CTNNA3: variants seen among roughly 807,000 people sequenced by gnomAD.
The protein encoded by CTNNA3 is catenin alpha-3.
Under a neutral mutation model 95.7 loss-of-function variants are expected in CTNNA3, and 76 were observed. The ratio of observed to expected loss-of-function variants is 0.79; its 90% CI spans 0.66 to 0.96. CTNNA3 has a LOEUF of 0.96. CTNNA3 is among the 40% of genes least tolerant of loss of function. CTNNA3 has a pLI of 0.00. For missense variants in CTNNA3, 1,191 were observed against 1,089.8 expected, an observed-to-expected ratio of 1.09 and a Z score of -1.31; for synonymous variants, 431 against 374.4, an observed-to-expected ratio of 1.15 and a Z score of -1.74.
intron 13 of CTNNA3, among the ~76,000 whole-genome samples, chr10:66,112,969 T>C (rs542388592): frequency 3.9e-5 from 6 of 152,286 alleles, no homozygotes; most frequent in Non-Finnish European, 8.8e-5. Context: ...CTGATTTCAA[T>C]TCTTTGGGAC....
In CTNNA3 at chr10:66,383,701, G is replaced by A. The variant is rs189993117; in HGVS notation, c.1532-4349C>T. On this transcript the variant is annotated intron_variant, in intron 11 of 17. Transcript: ENST00000433211. ...GTGTTAACGGCAGCCAGAGAGAAAG[G>A]TTGAGTTACCCACAAAGGGAAGCCC... Among the ~76,000 whole-genome samples, 313 of 152,288 alleles carry A rather than the reference G, an allele frequency of 2.1e-3. 2 individuals are homozygous for A. Among genetic ancestry groups the A allele is most frequent in the African/African-American group, 7.1e-3 (293 of 41,560 alleles).
chr10:67,236,219 T>G (rs1418986311), intron 5 of CTNNA3, among the ~76,000 whole-genome samples: 2 of 150,756 alleles, frequency 1.3e-5, no homozygotes, highest in East Asian at 2.0e-4. Context: ...CAGGTATGTT[T>G]ATTGCGGCAT....
intron 13 of CTNNA3, among the ~76,000 whole-genome samples, chr10:66,112,639 C>T (rs1312313141): frequency 6.6e-6 from 1 of 152,034 alleles, no homozygotes; most frequent in Non-Finnish European, 1.5e-5. Flanking sequence ...TTTCCCCTCC[C>T]CTCAGCTTGA....
chr10:66,285,449 T>C (rs1267449516), intron 12 of CTNNA3, among the ~76,000 whole-genome samples: 1 of 151,800 alleles, frequency 6.6e-6, no homozygotes, highest in African/African-American at 2.4e-5. Flanking sequence ...ATAAATAATA[T>C]TTCTGATTTA....
rs933273345 is a variant in CTNNA3 at position 66,396,406 on chromosome 10, A to T, written c.1532-17054T>A. On this transcript the variant is annotated intron_variant, in intron 11 of 17. Transcript: ENST00000433211. ...GATGTAGTTTACTAAACTTAATTTT[A>T]AAAAGTATTGAAATAACTTAGTACA... Among the ~76,000 whole-genome samples the T allele has an allele frequency of 3.7e-4, 57 of 152,180 alleles. 1 individual carries two copies. The highest frequency in any genetic ancestry group is 1.0e-3 in the African/African-American group (43 of 41,574).
intron 15 of CTNNA3, among the ~76,000 whole-genome samples, chr10:66,042,084 ATC>A (rs1164548432): frequency 2.6e-5 from 4 of 152,106 alleles, no homozygotes; most frequent in Non-Finnish European, 5.9e-5. Context: ...GCTATTTTGT[ATC>A]TCTGAGTCTT....
At chr10:66,729,177 T>G (rs1000710689) in intron 9 of CTNNA3, among the ~76,000 whole-genome samples, 1 of 152,184 alleles carries the variant, frequency 6.6e-6, no homozygotes, top group Non-Finnish European at 1.5e-5. Flanking sequence ...AAGACATACA[T>G]GGAGCCAACA....
chr10:66,238,774 C>G (rs2089981694), intron 13 of CTNNA3, among the ~76,000 whole-genome samples: 1 of 151,696 alleles, frequency 6.6e-6, no homozygotes, highest in Admixed American at 6.6e-5. Context: ...TGATTTTATT[C>G]TTACATTTTT....
At chr10:66,500,822 A>G (rs1429319489) in intron 11 of CTNNA3, among the ~76,000 whole-genome samples, 1 of 152,190 alleles carries the variant, frequency 6.6e-6, no homozygotes, top group Non-Finnish European at 1.5e-5. Context: ...AGTTGATTAA[A>G]TTATAAGGTT....
chr10:67,744,521 T>TA (rs1341055589), intron 1 of CTNNA3, among the ~76,000 whole-genome samples: 1 of 151,282 alleles, frequency 6.6e-6, no homozygotes, highest in Non-Finnish European at 1.5e-5. Flanking sequence ...ATTAAAGACT[T>TA]ACATGTTAGA....
rs2083259419 is a variant in CTNNA3 at position 66,134,412 on chromosome 10, G to A, written c.1885-31163C>T. On this transcript the variant is annotated intron_variant, in intron 13 of 17. Coordinates refer to ENST00000433211, the MANE Select transcript of CTNNA3 (RefSeq NM_013266.4). The stretch of plus-strand genomic sequence containing the variant: ...AATCTGTATGAGAAGTTCATTATTT[G>A]TAGATATTATAGAAAATATTAAAAA... Among the ~76,000 whole-genome samples, 5 of 152,178 alleles carry A rather than the reference G, an allele frequency of 3.3e-5. No homozygotes were observed. In the South Asian group the frequency reaches 1.0e-3, roughly 31 times the overall value.
chr10:66,188,395 T>C (rs1033476625), intron 13 of CTNNA3, among the ~76,000 whole-genome samples: 1 of 152,102 alleles, frequency 6.6e-6, no homozygotes, highest in Non-Finnish European at 1.5e-5. Context: ...TCACCCCTGG[T>C]AACCACCATA....
At chr10:66,563,956 T>C (rs1247758767) in intron 10 of CTNNA3, among the ~76,000 whole-genome samples, 1 of 152,190 alleles carries the variant, frequency 6.6e-6, no homozygotes, top group Non-Finnish European at 1.5e-5. Flanking sequence ...ACATCTTATA[T>C]ATATTGATTG....
intron 11 of CTNNA3, among the ~76,000 whole-genome samples, chr10:66,436,967 A>G (rs1432841066): frequency 3.3e-5 from 5 of 152,006 alleles, no homozygotes; most frequent in African/African-American, 1.2e-4. Context: ...GGCTGGATAA[A>G]AAATTTTGGG....
chr10:66,606,554 C>A (rs184627927), intron 10 of CTNNA3, among the ~76,000 whole-genome samples: 1 of 152,196 alleles, frequency 6.6e-6, no homozygotes, highest in East Asian at 1.9e-4. Context: ...TAACTGAAAT[C>A]ATAACAATCA....
chr10:67,490,945 A>T (rs1848624736), intron 5 of CTNNA3, among the ~76,000 whole-genome samples: 2 of 152,328 alleles, frequency 1.3e-5, no homozygotes, highest in Admixed American at 6.5e-5. Flanking sequence ...TATCTTTTAC[A>T]ACCTTAACAG....
intron 7 of CTNNA3, among the ~76,000 whole-genome samples, chr10:66,851,440 C>T (rs913023898): frequency 1.3e-5 from 2 of 152,010 alleles, no homozygotes; most frequent in Non-Finnish European, 2.9e-5. Context: ...TTGTCCCCTC[C>T]CAAATCTCAT....
chr10:67,592,686 G>C (rs990672260), intron 3 of CTNNA3, among the ~76,000 whole-genome samples: 1 of 152,104 alleles, frequency 6.6e-6, no homozygotes, highest in Non-Finnish European at 1.5e-5. Context: ...TATTTACTCA[G>C]AGGAAAAAAT....
At chr10:66,204,639 C>G (rs903479635) in intron 13 of CTNNA3, among the ~76,000 whole-genome samples, 1 of 152,134 alleles carries the variant, frequency 6.6e-6, no homozygotes. Flanking sequence ...TCTTAGTGAC[C>G]CAAAGGTGAC....
Sources: gnomAD v4.1 joint callset for allele counts (sites outside exome capture counted in the v4.1 genomes callset) on GRCh38, gnomAD v4.1.1 for gene constraint, MANE v1.5 for transcripts, NCBI Gene and HGNC (gene_info 2026-07-23, HGNC 2026-07-21) for gene names.